RSF1: variants seen among roughly 807,000 people sequenced by gnomAD.
The protein encoded by RSF1 is remodeling and spacing factor 1, also known as HBV pX-associated protein 8.
RSF1 carries 13 observed loss-of-function variants against 145.2 expected under a neutral mutation model. That is an observed-to-expected ratio of 0.09 (90% CI 0.06 to 0.14). The LOEUF is 0.14. Ranked by LOEUF, RSF1 falls within the 10% of genes least tolerant of loss-of-function variation. RSF1 has a pLI of 1.00. For synonymous variants in RSF1, 577 were observed against 592.6 expected, an observed-to-expected ratio of 0.97 and a Z score of 0.38; for missense variants, 1,517 against 1,718.2, an observed-to-expected ratio of 0.88 and a Z score of 2.07.
Position 77,740,779 on chromosome 11 carries a change from A to G in RSF1, c.530T>C (p.Ile177Thr). Residue 177 changes from isoleucine (I) to threonine (T), a missense_variant, in exon 4 of 16, where the codon ATA (isoleucine) becomes ACA (threonine). Around this residue, in one of 12 missense-constraint regions of RSF1, gnomAD observed 94 missense variants for 143.6 expected, o/e 0.65. Coordinates refer to ENST00000308488, the MANE Select transcript of RSF1 (RefSeq NM_016578.4). ...LDQDHNVRMYIEEQDDQDGSS... is the reference protein window; with the variant it reads ...LDQDHNVRMYTEEQDDQDGSS... Reference sequence around the variant, plus strand: ...GCCATCTTGATCATCTTGTTCTTCTATGTACATTCTGACATTGTGATCTTG... The same window carrying G: ...GCCATCTTGATCATCTTGTTCTTCTGTGTACATTCTGACATTGTGATCTTG... 3.1e-6 allele frequency: 5 copies of G among 1,614,190 alleles called. No individual in the cohort carries two copies. Among genetic ancestry groups the G allele is most frequent in the Non-Finnish European group, 3.4e-6 (4 of 1,180,026 alleles).
At chr11:77,830,153 C>CA in the RSF1 span, 1 of 152,106 alleles carries the variant, frequency 6.6e-6, no homozygotes, top group East Asian at 1.9e-4. Flanking sequence ...AAAAGAAAGT[C>CA]AAAAGACAAC....
intron 1 of RSF1, among the ~76,000 whole-genome samples, chr11:77,789,201 T>G (rs918640399): frequency 1.3e-5 from 2 of 152,158 alleles, no homozygotes; most frequent in Non-Finnish European, 2.9e-5. Flanking sequence ...ACCGTGGATT[T>G]CTGCAATTCT....
rs776963058 is a variant in RSF1 at position 77,676,867 on chromosome 11, C to T, written c.3266G>A (p.Arg1089Gln). The T allele has an allele frequency of 7.4e-6, 12 of 1,614,004 alleles. No homozygotes were observed. The highest frequency in any genetic ancestry group is 1.7e-5 in the Admixed American group (1 of 59,962). ...RAAAARRKKRRRLNDLDSDSN... is the reference protein window; with the variant it reads ...RAAAARRKKRQRLNDLDSDSN... ...ATCACTGTCCAGATCATTTAATCGC[C>T]GGCGTTTCTTCCTTCGAGCAGCAGC... Residue 1089 changes from arginine to glutamine, a missense_variant, in exon 13 of 16, where the codon CGG becomes CAG. This residue lies in a region of RSF1 where 231 missense variants were observed against 276.6 expected (regional missense o/e 0.84). Transcript: ENST00000308488.
chr11:77,756,910 G>C (rs1948121844), intron 2 of RSF1, among the ~76,000 whole-genome samples: 1 of 152,178 alleles, frequency 6.6e-6, no homozygotes, highest in Non-Finnish European at 1.5e-5. Flanking sequence ...GAGAGGAAGA[G>C]ACAATCGTAA....
At chr11:77,683,206 G>A (rs577079327) in intron 11 of RSF1, among the ~76,000 whole-genome samples, 2 of 152,148 alleles carry the variant, frequency 1.3e-5, no homozygotes, top group East Asian at 1.9e-4. Flanking sequence ...CACGAGAATC[G>A]CTTGAACCCG....
At chr11:77,832,330 CTTT>C in the RSF1 span, among the ~76,000 whole-genome samples, 1 of 147,638 alleles carries the variant, frequency 6.8e-6, no homozygotes, top group African/African-American at 2.5e-5. Flanking sequence ...AATAGAGGAA[CTTT>C]TTTTTTTTTT....
intron 11 of RSF1, among the ~76,000 whole-genome samples, chr11:77,682,094 T>G (rs1959877837): frequency 6.6e-6 from 1 of 152,228 alleles, no homozygotes; most frequent in Admixed American, 6.5e-5. Context: ...ATTTGCACTT[T>G]CCATCTGTCA....
chr11:77,831,689 G>A, the RSF1 span, among the ~76,000 whole-genome samples: 1 of 147,540 alleles, frequency 6.8e-6, no homozygotes, highest in Non-Finnish European at 1.5e-5. Context: ...ACATTACTTA[G>A]GTATCTTTTT....
chr11:77,754,237 A>G (rs1307785300), intron 2 of RSF1, among the ~76,000 whole-genome samples: 1 of 152,178 alleles, frequency 6.6e-6, no homozygotes, highest in African/African-American at 2.4e-5. Flanking sequence ...TGAAAATAAA[A>G]AAGAGTAATG....
chr11:77,728,494 G>C (rs1015538578), intron 4 of RSF1, among the ~76,000 whole-genome samples: 1 of 150,920 alleles, frequency 6.6e-6, no homozygotes, highest in Non-Finnish European at 1.5e-5. Context: ...GACCAACATG[G>C]AGAAACAGGA....
At chr11:77,793,035 G>C (rs1333210651) in intron 1 of RSF1, among the ~76,000 whole-genome samples, 1 of 152,026 alleles carries the variant, frequency 6.6e-6, no homozygotes, top group Non-Finnish European at 1.5e-5. Context: ...AAATCACAAA[G>C]ATAAACAAGA....
chr11:77,735,714 T>C (rs1219109853), intron 4 of RSF1, among the ~76,000 whole-genome samples: 3 of 152,222 alleles, frequency 2.0e-5, no homozygotes, highest in African/African-American at 7.2e-5. Context: ...TTTGCTTTAC[T>C]TGTTCTTCCC....
At chr11:77,823,452 G>A (rs578189747), upstream of RSF1, among the ~76,000 whole-genome samples, 1 of 151,358 alleles carries the variant, frequency 6.6e-6, no homozygotes, top group African/African-American at 2.4e-5. Context: ...TAATCTGGGC[G>A]AGGTGGGGTG....
chr11:77,783,663 G>A (rs373666856), intron 1 of RSF1, among the ~76,000 whole-genome samples: 344 of 151,964 alleles, frequency 2.3e-3, no homozygotes, highest in African/African-American at 7.4e-3. Context: ...GCAACACAGC[G>A]AGACCTAGTC....
At chr11:77,681,650 T>C (rs1276753983) in intron 11 of RSF1, among the ~76,000 whole-genome samples, 3 of 152,218 alleles carry the variant, frequency 2.0e-5, no homozygotes, top group Non-Finnish European at 4.4e-5. Flanking sequence ...TGAAATGAGT[T>C]GCCCAGGAAT....
chr11:77,780,055 C>A (rs1948387512), intron 1 of RSF1, among the ~76,000 whole-genome samples: 1 of 152,202 alleles, frequency 6.6e-6, no homozygotes, highest in Non-Finnish European at 1.5e-5. Context: ...CCCAAATGAT[C>A]CTAACTTGTA....
intron 7 of RSF1, among the ~76,000 whole-genome samples, chr11:77,696,525 A>G (rs970913437): frequency 4.6e-5 from 7 of 151,976 alleles, no homozygotes; most frequent in East Asian, 1.9e-4. Flanking sequence ...TCAGTTTCCA[A>G]TGTCATTCAC....
At chr11:77,731,258 A>G (rs1233159068) in intron 4 of RSF1, among the ~76,000 whole-genome samples, 1 of 152,140 alleles carries the variant, frequency 6.6e-6, no homozygotes, top group Admixed American at 6.5e-5. Flanking sequence ...CCCCTGCCCT[A>G]GAGATTTGTG....
chr11:77,731,634 T>C (rs1177258930), intron 4 of RSF1, among the ~76,000 whole-genome samples: 1 of 152,220 alleles, frequency 6.6e-6, no homozygotes, highest in Non-Finnish European at 1.5e-5. Context: ...GTCCATGTGC[T>C]GTGTGCAGCC....
Sources: gnomAD v4.1 joint callset for allele counts (sites outside exome capture counted in the v4.1 genomes callset) on GRCh38, gnomAD v4.1.1 for gene constraint, gnomAD v4.1.1 regional missense constraint, MANE v1.5 for transcripts, NCBI Gene and HGNC (gene_info 2026-07-23, HGNC 2026-07-21) for gene names.